CADPS: variants seen among roughly 807,000 people sequenced by gnomAD.
The protein encoded by CADPS is calcium-dependent secretion activator 1.
A neutral mutation model predicts 167.3 loss-of-function variants in CADPS; 57 were observed. The observed-to-expected ratio is 0.34, with a 90% CI of 0.28 to 0.42. The LOEUF (loss-of-function observed/expected upper bound fraction) is 0.42. CADPS is among the 20% of genes least tolerant of loss of function. The pLI, the probability that CADPS is intolerant of heterozygous loss-of-function variation, is 1.00. For missense variants in CADPS, 1,414 were observed against 1,738.1 expected (o/e 0.81, Z 3.32); for synonymous variants, 676 against 635.3 (o/e 1.06, Z -0.96).
intron 6 of CADPS, among the ~76,000 whole-genome samples, chr3:62,629,013 G>A (rs1342928648): frequency 6.6e-6 from 1 of 151,992 alleles, no homozygotes; most frequent in African/African-American, 2.4e-5. Context: ...CTTGCTTGGA[G>A]GACTGCAATA....
chr3:62,599,727 A>ATATAATATATATAATATAATATATATATT (rs1562707868), intron 6 of CADPS, among the ~76,000 whole-genome samples: 403 of 8,380 alleles, frequency 0.048, 62 homozygotes, highest in Non-Finnish European at 0.064. Context: ...TAATATATAT[A>ATATAATATATATAATATAATATATATATT]GTATATATAA....
intron 21 of CADPS, among the ~76,000 whole-genome samples, chr3:62,483,267 A>T (rs2150885639): frequency 6.7e-6 from 1 of 148,396 alleles, no homozygotes; most frequent in Admixed American, 6.7e-5. Flanking sequence ...GGACTCCTGC[A>T]AGAGCTGGAG....
At chr3:62,402,349 T>G (rs1417822168) in intron 29 of CADPS, among the ~76,000 whole-genome samples, 1 of 152,148 alleles carries the variant, frequency 6.6e-6, no homozygotes, top group Non-Finnish European at 1.5e-5. Context: ...ACTTTGTGCT[T>G]TGAATGAGAT....
At chr3:62,597,118 C>G (rs574440577) in intron 6 of CADPS, among the ~76,000 whole-genome samples, 1 of 152,082 alleles carries the variant, frequency 6.6e-6, no homozygotes, top group East Asian at 1.9e-4. Flanking sequence ...CTTTTGGAGG[C>G]CAGGAATTTG....
chr3:62,675,013 T>C (rs2076131567), intron 3 of CADPS, among the ~76,000 whole-genome samples: 1 of 152,160 alleles, frequency 6.6e-6, no homozygotes, highest in Non-Finnish European at 1.5e-5. Flanking sequence ...AACCTTGAAA[T>C]CTCAGTTGCT....
intron 1 of CADPS, among the ~76,000 whole-genome samples, chr3:62,780,242 C>G (rs1019702268): frequency 6.6e-6 from 1 of 151,956 alleles, no homozygotes; most frequent in Non-Finnish European, 1.5e-5. Context: ...ATAGCAAGAT[C>G]CCATACCTCA....
chr3:62,850,273 T>C (rs1211822089), intron 1 of CADPS, among the ~76,000 whole-genome samples: 1 of 124,676 alleles, frequency 8.0e-6, no homozygotes, highest in African/African-American at 2.9e-5. Flanking sequence ...CTCTATTTCC[T>C]TCAGTTCTGC....
At chr3:62,587,232 T>G (rs796743279) in intron 7 of CADPS, among the ~76,000 whole-genome samples, 3 of 152,312 alleles carry the variant, frequency 2.0e-5, no homozygotes, top group African/African-American at 7.2e-5. Flanking sequence ...GTTGATTTAG[T>G]TAAAGCTCCA....
At chr3:62,402,503 C>A (rs1204222598) in intron 29 of CADPS, among the ~76,000 whole-genome samples, 1 of 152,100 alleles carries the variant, frequency 6.6e-6, no homozygotes, top group Non-Finnish European at 1.5e-5. Context: ...TATCATTAGT[C>A]CAAGGTGCAC....
intron 1 of CADPS, among the ~76,000 whole-genome samples, chr3:62,784,875 A>G (rs2152690724): frequency 6.6e-6 from 1 of 152,350 alleles, no homozygotes; most frequent in East Asian, 1.9e-4. Flanking sequence ...TGAGTGAACT[A>G]GAAAATATTT....
rs1252381555 is a variant in CADPS at position 62,557,414 on chromosome 3, G to A, written c.1744C>T (p.Pro582Ser). The part of the protein sequence containing the change: ...LDGYTVDYTD[P>S]QPGLEGGRAF... ...GAGGGTCGGTGGGTACCTGGCTGGG[G>A]GTCGGTGTAATCCACAGTGTAGCCA... Residue 582 changes from proline (P) to serine (S), a missense_variant, in exon 10 of 30, where the codon CCC becomes TCC. Pro to Ser is a moderately conservative substitution (Grantham distance 74, BLOSUM62 -1). Transcript: ENST00000383710. The A allele has an allele frequency of 2.5e-6, 4 of 1,613,096 alleles. No homozygotes were observed. The highest frequency in any genetic ancestry group is 1.3e-5 in the African/African-American group (1 of 75,000).
At chr3:62,713,287 A>G (rs2083768056) in intron 3 of CADPS, among the ~76,000 whole-genome samples, 1 of 151,916 alleles carries the variant, frequency 6.6e-6, no homozygotes. Context: ...CCTCTTCCTC[A>G]CTGTATTTAT....
chr3:62,862,460 C>T (rs764669296), intron 1 of CADPS, among the ~76,000 whole-genome samples: 7 of 152,026 alleles, frequency 4.6e-5, no homozygotes, highest in Non-Finnish European at 1.5e-5. Flanking sequence ...CTACTCACCT[C>T]GGCCTCCCAA....
intron 28 of CADPS, among the ~76,000 whole-genome samples, chr3:62,435,852 G>A (rs1480547814): frequency 1.3e-5 from 2 of 151,912 alleles, no homozygotes; most frequent in African/African-American, 4.8e-5. Flanking sequence ...GCTGGTCAGT[G>A]GAATTCAACA....
chr3:62,641,522 A>T (rs2067413345), intron 6 of CADPS, among the ~76,000 whole-genome samples: 1 of 152,080 alleles, frequency 6.6e-6, no homozygotes, highest in African/African-American at 2.4e-5. Context: ...ATGCTTTGGA[A>T]TCCCCAAAGC....
At chr3:62,642,399 C>T (rs745420685) in intron 6 of CADPS, among the ~76,000 whole-genome samples, 4 of 151,928 alleles carry the variant, frequency 2.6e-5, no homozygotes, top group South Asian at 2.1e-4. Context: ...AGATAATCCC[C>T]GAAAGGAAAA....
chr3:62,558,610 T>C (rs1385729854), intron 9 of CADPS, among the ~76,000 whole-genome samples: 1 of 152,204 alleles, frequency 6.6e-6, no homozygotes, highest in African/African-American at 2.4e-5. Context: ...GTTTTTGTTG[T>C]TTTAATGGTG....
intron 3 of CADPS, among the ~76,000 whole-genome samples, chr3:62,731,742 A>G (rs577680751): frequency 4.1e-5 from 6 of 147,448 alleles, no homozygotes; most frequent in African/African-American, 1.5e-4. Flanking sequence ...TGAGGAGTGA[A>G]TCAGACAGGC....
chr3:62,670,569 C>G (rs1199091089), intron 3 of CADPS, among the ~76,000 whole-genome samples: 2 of 152,082 alleles, frequency 1.3e-5, no homozygotes, highest in African/African-American at 4.8e-5. Flanking sequence ...AATGAGAACC[C>G]TGCTGTATTT....
Sources: allele counts gnomAD v4.1 joint callset (sites outside exome capture counted in the v4.1 genomes callset), GRCh38; gene constraint gnomAD v4.1.1; transcripts MANE v1.5; gene names NCBI Gene and HGNC (gene_info 2026-07-23, HGNC 2026-07-21).